PDE4D: variants seen among roughly 807,000 people sequenced by gnomAD.
PDE4D encodes 3',5'-cyclic-AMP phosphodiesterase 4D.
A neutral mutation model predicts 87.4 loss-of-function variants in PDE4D; 24 were observed. That is an observed-to-expected ratio of 0.27 (90% CI 0.20 to 0.39). The LOEUF is 0.39. Among genes scored for constraint, PDE4D ranks in the 10% least tolerant of loss-of-function variants. The pLI, the probability that PDE4D is intolerant of heterozygous loss-of-function variation, is 1.00. For missense variants in PDE4D, 714 were observed against 1,041.0 expected (o/e 0.69, Z 4.32); for synonymous variants, 384 against 383.2 (o/e 1.00, Z -0.02).
intron 1 of PDE4D, among the ~76,000 whole-genome samples, chr5:59,875,401 C>T (rs159623): frequency 0.14 from 18,987 of 131,386 alleles, 1,553 homozygotes; most frequent in Middle Eastern, 0.31. Context: ...ACAGAGGTTG[C>T]AGTGAGCCGA....
intron 1 of PDE4D, among the ~76,000 whole-genome samples, chr5:59,559,009 C>T (rs1001001223): frequency 6.6e-6 from 1 of 151,956 alleles, no homozygotes; most frequent in African/African-American, 2.4e-5. Context: ...ATGCAGCCTT[C>T]ACTAATGGCA....
chr5:59,932,428 C>T (rs1324541983), intron 3 of PDE4D, among the ~76,000 whole-genome samples: 1 of 152,174 alleles, frequency 6.6e-6, no homozygotes, highest in Non-Finnish European at 1.5e-5. Context: ...TGCACCATTA[C>T]ATTTAATCCT....
intron 1 of PDE4D, among the ~76,000 whole-genome samples, chr5:60,470,333 A>G (rs182192897): frequency 6.6e-6 from 1 of 152,222 alleles, no homozygotes; most frequent in Admixed American, 6.5e-5. Flanking sequence ...TCCATAACAG[A>G]AAAGTACAAG....
intron 2 of PDE4D, among the ~76,000 whole-genome samples, chr5:60,052,931 C>A (rs1439747551): frequency 2.0e-5 from 3 of 152,200 alleles, no homozygotes; most frequent in Non-Finnish European, 2.9e-5. Context: ...AGCAAACTCC[C>A]ATTTACAATT....
intron 1 of PDE4D, among the ~76,000 whole-genome samples, chr5:59,509,280 C>T (rs571050619): frequency 6.6e-6 from 1 of 151,908 alleles, no homozygotes; most frequent in Non-Finnish European, 1.5e-5. Context: ...CCCAGTAATG[C>T]ATACACAACA....
chr5:59,503,175 G>A (rs1403440740), intron 1 of PDE4D, among the ~76,000 whole-genome samples: 1 of 152,046 alleles, frequency 6.6e-6, no homozygotes, highest in Admixed American at 6.6e-5. Context: ...TCATGCTCTG[G>A]AGCTCTTAGG....
chr5:58,977,740 C>T (rs905003978), intron 11 of PDE4D, among the ~76,000 whole-genome samples: 9 of 152,068 alleles, frequency 5.9e-5, no homozygotes, highest in African/African-American at 1.7e-4. Context: ...CTACCCTGCA[C>T]TATATAAAGT....
At chr5:60,083,530 G>C (rs978856706) in intron 2 of PDE4D, among the ~76,000 whole-genome samples, 1 of 152,204 alleles carries the variant, frequency 6.6e-6, no homozygotes, top group African/African-American at 2.4e-5. Context: ...CCTGAGCTTG[G>C]TCATCAGATG....
At chr5:59,796,373 A>C (rs751659500) in intron 1 of PDE4D, among the ~76,000 whole-genome samples, 1 of 152,260 alleles carries the variant, frequency 6.6e-6, no homozygotes, top group Non-Finnish European at 1.5e-5. Context: ...AAAATAAACA[A>C]GGCTTTGGTA....
chr5:59,597,391 A>T (rs1422950419), intron 1 of PDE4D, among the ~76,000 whole-genome samples: 1 of 152,074 alleles, frequency 6.6e-6, no homozygotes, highest in Non-Finnish European at 1.5e-5. Flanking sequence ...TGTTCTGGAG[A>T]CTGTTCTTTT....
At chr5:59,958,123 T>A (rs1196026140) in intron 3 of PDE4D, among the ~76,000 whole-genome samples, 2 of 152,180 alleles carry the variant, frequency 1.3e-5, no homozygotes, top group East Asian at 3.9e-4. Context: ...TTTTGTACAT[T>A]CAAATCATTA....
chr5:60,294,140 G>A (rs1753168462), intron 1 of PDE4D, among the ~76,000 whole-genome samples: 1 of 152,094 alleles, frequency 6.6e-6, no homozygotes, highest in African/African-American at 2.4e-5. Flanking sequence ...GATGTGTGGT[G>A]GTATTTCTTT....
At chr5:59,358,597 C>T (rs1490611396) in intron 1 of PDE4D, among the ~76,000 whole-genome samples, 3 of 152,102 alleles carry the variant, frequency 2.0e-5, no homozygotes, top group African/African-American at 7.2e-5. Flanking sequence ...GCAGAGTTAG[C>T]ACTGAGCTGA....
At chr5:60,037,204 T>C (rs975480446) in intron 2 of PDE4D, among the ~76,000 whole-genome samples, 2 of 152,180 alleles carry the variant, frequency 1.3e-5, no homozygotes, top group Non-Finnish European at 1.5e-5. Flanking sequence ...ATCTTGAAGT[T>C]TGGGGCATTA....
chr5:60,240,354 T>C (rs1431453233), intron 1 of PDE4D, among the ~76,000 whole-genome samples: 1 of 151,934 alleles, frequency 6.6e-6, no homozygotes, highest in African/African-American at 2.4e-5. Flanking sequence ...AGCTCAGCTA[T>C]GGTGGGTTAG....
intron 1 of PDE4D, among the ~76,000 whole-genome samples, chr5:60,442,495 G>C (rs1745315042): frequency 6.6e-6 from 1 of 152,042 alleles, no homozygotes; most frequent in Non-Finnish European, 1.5e-5. Context: ...GATGACGGTT[G>C]ATAGGTGCAG....
chr5:59,605,887 G>A (rs181641270), intron 1 of PDE4D, among the ~76,000 whole-genome samples: 8 of 152,038 alleles, frequency 5.3e-5, no homozygotes, highest in East Asian at 1.9e-4. Context: ...CCATCTAAAC[G>A]GGAAACTCAT....
intron 1 of PDE4D, among the ~76,000 whole-genome samples, chr5:59,244,419 C>A (rs149506): frequency 0.58 from 87,190 of 150,570 alleles, 25,876 homozygotes; most frequent in African/African-American, 0.64. Context: ...TAAAAATTTT[C>A]AAAATTTGGA....
intron 3 of PDE4D, among the ~76,000 whole-genome samples, chr5:59,960,653 A>G (rs944829134): frequency 6.6e-6 from 1 of 152,128 alleles, no homozygotes; most frequent in Non-Finnish European, 1.5e-5. Flanking sequence ...GGAAGCTAAA[A>G]TTTGCATACA....
Sources: gnomAD v4.1 joint callset for allele counts (sites outside exome capture counted in the v4.1 genomes callset) on GRCh38, gnomAD v4.1.1 for gene constraint, MANE v1.5 for transcripts, NCBI Gene and HGNC (gene_info 2026-07-23, HGNC 2026-07-21) for gene names.